DAPK1: variants seen among roughly 807,000 people sequenced by gnomAD.
DAPK1 encodes the protein death-associated protein kinase 1.
Under a neutral mutation model 144.9 loss-of-function variants are expected in DAPK1, and 56 were observed. The observed-to-expected ratio is 0.39, with a 90% CI of 0.31 to 0.48. DAPK1 has a LOEUF of 0.48. DAPK1 is among the 20% of genes least tolerant of loss of function. The pLI is 0.95. For synonymous variants in DAPK1, 690 were observed against 749.0 expected (o/e 0.92, Z 1.29); for missense variants, 1,454 against 1,875.4 (o/e 0.78, Z 4.15).
intron 3 of DAPK1, among the ~76,000 whole-genome samples, chr9:87,605,824 G>C (rs1194719579): frequency 6.6e-6 from 1 of 152,092 alleles, no homozygotes; most frequent in Admixed American, 6.5e-5. Context: ...CCAGTCCCCA[G>C]CTTCCTGCCT....
intron 2 of DAPK1, among the ~76,000 whole-genome samples, chr9:87,550,445 C>G (rs1826433862): frequency 6.6e-6 from 1 of 152,240 alleles, no homozygotes; most frequent in African/African-American, 2.4e-5. Context: ...AGAATGTGTT[C>G]CAGGCTTCTC....
Position 87,581,117 on chromosome 9 carries a change from T to C in DAPK1, c.63-23837T>C, listed in dbSNP as rs1048340553. On this transcript the variant is annotated intron_variant, in intron 2 of 25. Transcript: ENST00000408954. ...TCCTTAACCACTTTCAAAATCATCA[T>C]GTAAAAGTCTGTTGCACACTCTTTC... Among the ~76,000 whole-genome samples, 4 of 150,678 alleles carry C rather than the reference T, an allele frequency of 2.7e-5. No homozygotes were observed. The East Asian group carries it at 5.9e-4, about 22-fold the overall frequency.
chr9:87,690,228 T>A (rs954532920), intron 21 of DAPK1, among the ~76,000 whole-genome samples: 4 of 152,068 alleles, frequency 2.6e-5, no homozygotes, highest in African/African-American at 9.7e-5. Flanking sequence ...CCTCTTTGGT[T>A]AAATTTATTC....
At chr9:87,651,065 C>A (rs1449654002) in intron 16 of DAPK1, among the ~76,000 whole-genome samples, 1 of 152,226 alleles carries the variant, frequency 6.6e-6, no homozygotes, top group Non-Finnish European at 1.5e-5. Flanking sequence ...CATGTTAAAT[C>A]TGCTTCTCAT....
At chr9:87,591,065 CA>C (rs1316838869) in intron 2 of DAPK1, among the ~76,000 whole-genome samples, 4 of 152,156 alleles carry the variant, frequency 2.6e-5, no homozygotes, top group African/African-American at 9.7e-5. Context: ...GGTTATGCTC[CA>C]ATTAGGGAAT....
At chr9:87,522,531 CATTT>C (rs1312900913) in intron 2 of DAPK1, among the ~76,000 whole-genome samples, 1 of 152,250 alleles carries the variant, frequency 6.6e-6, no homozygotes, top group Admixed American at 6.5e-5. Flanking sequence ...GATTTACTGT[CATTT>C]ATTTAACCCT....
At chr9:87,595,169 A>G (rs899696044) in intron 2 of DAPK1, among the ~76,000 whole-genome samples, 3 of 152,342 alleles carry the variant, frequency 2.0e-5, no homozygotes, top group African/African-American at 7.2e-5. Flanking sequence ...CAAAACCAAA[A>G]ATATGTAAGG....
chr9:87,620,923 A>G (rs565908247), intron 3 of DAPK1, among the ~76,000 whole-genome samples: 22 of 152,084 alleles, frequency 1.4e-4, no homozygotes, highest in African/African-American at 5.3e-4. Flanking sequence ...TGGCCTAATT[A>G]TTTCTGTGGG....
intron 2 of DAPK1, among the ~76,000 whole-genome samples, chr9:87,525,679 TC>T (rs1382902824): frequency 3.4e-5 from 5 of 147,770 alleles, no homozygotes; most frequent in African/African-American, 1.3e-4. Context: ...CGGTTCCACC[TC>T]CTCCATGTTT....
At chr9:87,568,637 G>A (rs9314768) in intron 2 of DAPK1, among the ~76,000 whole-genome samples, 18,232 of 152,140 alleles carry the variant, frequency 0.12, 1,355 homozygotes, top group East Asian at 0.34. Flanking sequence ...TGCCTCCTCC[G>A]TCCTCTCTGC....
chr9:87,673,781 G>T (rs1824262393), intron 19 of DAPK1, among the ~76,000 whole-genome samples: 1 of 152,216 alleles, frequency 6.6e-6, no homozygotes, highest in Non-Finnish European at 1.5e-5. Context: ...TTGCACCACA[G>T]GAATCAGCAA....
chr9:87,646,657 T>C, intron 13 of DAPK1, 98 bp downstream of exon 13: 1 of 861,492 alleles, frequency 1.2e-6, no homozygotes, highest in Non-Finnish European at 1.8e-6. Flanking sequence ...TGTCCTAACT[T>C]GTTTCTCAGT....
In DAPK1 at chr9:87,640,440, A is replaced by G. The variant is rs1167975857; in HGVS notation, c.772A>G (p.Lys258Glu). ...AGATTTCATAAGAAGACTTCTGGTC[A>G]AGGATCCAAAGTGAGTGTCCACGTT... is the stretch of plus-strand genomic sequence containing the variant. ...AKDFIRRLLV[K>E]DPKKRMTIQD... Residue 258 changes from lysine to glutamate, a missense_variant, in exon 8 of 26, where the codon AAG becomes GAG. Physicochemically the swap from Lys to Glu is moderately conservative, Grantham distance 56. This residue lies in a region of DAPK1 where 429 missense variants were observed against 637.5 expected (regional missense o/e 0.67). Coordinates refer to ENST00000408954, the MANE Select transcript of DAPK1 (RefSeq NM_004938.4). 1 of 1,613,876 alleles carries G rather than the reference A, an allele frequency of 6.2e-7. No homozygotes were observed. The highest frequency in any genetic ancestry group is 1.1e-5 in the South Asian group (1 of 91,012).
rs150790188 is a variant in DAPK1 at position 87,676,756 on chromosome 9, T to C, written c.2002-4648T>C. 1.5e-4 allele frequency among the ~76,000 whole-genome samples: 23 copies of C among 152,174 alleles called. No individual in the cohort carries two copies. The East Asian group carries it at 4.5e-3, about 30-fold the overall frequency. ...CACTCCAATATTTCACTCCAAAGGG[T>C]GCCCTATTCAGGAAGTGCCTTCCGA... On this transcript the variant is annotated intron_variant, in intron 19 of 25. Transcript: ENST00000408954.
At chr9:87,685,892 G>A (rs1824827419) in intron 20 of DAPK1, among the ~76,000 whole-genome samples, 1 of 152,178 alleles carries the variant, frequency 6.6e-6, no homozygotes, top group Non-Finnish European at 1.5e-5. Context: ...CCCGCTAAAC[G>A]CCAATGCCCA....
At chr9:87,643,254 G>C (rs117182350) in intron 10 of DAPK1, 122 bp from the exon 11 acceptor site, 5 of 604,736 alleles carry the variant, frequency 8.3e-6, no homozygotes, top group Non-Finnish European at 8.6e-6. Context: ...CAATGAACAC[G>C]ATCTCGCAGG....
chr9:87,575,690 A>C (rs1289066852), intron 2 of DAPK1, among the ~76,000 whole-genome samples: 1 of 152,224 alleles, frequency 6.6e-6, no homozygotes, highest in Non-Finnish European at 1.5e-5. Context: ...TTCTGTACAG[A>C]TGAAGACTCA....
chr9:87,659,031 C>T (rs888476934), intron 18 of DAPK1, among the ~76,000 whole-genome samples: 6 of 152,216 alleles, frequency 3.9e-5, no homozygotes, highest in South Asian at 2.1e-4. Flanking sequence ...TTGGCCCTGG[C>T]GGCTTCCACG....
intron 23 of DAPK1, among the ~76,000 whole-genome samples, chr9:87,699,165 C>T (rs1217538697): frequency 6.6e-6 from 1 of 152,148 alleles, no homozygotes; most frequent in Non-Finnish European, 1.5e-5. Flanking sequence ...GGATGCACAA[C>T]CTTTATTTTT....
Sources: allele counts gnomAD v4.1 joint callset (sites outside exome capture counted in the v4.1 genomes callset), GRCh38; gene constraint gnomAD v4.1.1; regional missense constraint gnomAD v4.1.1; transcripts MANE v1.5; gene names NCBI Gene and HGNC (gene_info 2026-07-23, HGNC 2026-07-21).